UACA: variants seen among roughly 807,000 people sequenced by gnomAD.
UACA encodes uveal autoantigen with coiled-coil domains and ankyrin repeats, also known as nuclear membrane binding protein.
In UACA, 112 loss-of-function variants were observed where a neutral mutation model predicts 160.5. The observed-to-expected ratio is 0.70, with a 90% CI of 0.60 to 0.82. UACA has a LOEUF of 0.82. Ranked by LOEUF, UACA falls within the 40% of genes least tolerant of loss-of-function variation. The pLI, the probability that UACA is intolerant of heterozygous loss-of-function variation, is 0.00. For missense variants in UACA, 1,574 were observed against 1,614.6 expected (o/e 0.97, Z 0.43); for synonymous variants, 557 against 568.4 (o/e 0.98, Z 0.29).
At chr15:70,775,360 G>C in the UACA span, among the ~76,000 whole-genome samples, 1 of 152,152 alleles carries the variant, frequency 6.6e-6, no homozygotes, top group Non-Finnish European at 1.5e-5. Flanking sequence ...GTCAGTTCCA[G>C]CACTCCACTG....
At chr15:70,720,036 G>A (rs1322293811) in intron 1 of UACA, among the ~76,000 whole-genome samples, 1 of 152,166 alleles carries the variant, frequency 6.6e-6, no homozygotes, top group Non-Finnish European at 1.5e-5. Flanking sequence ...CTGGTGAGAG[G>A]TGACTGGATC....
chr15:70,672,163 C>T (rs1360420208), intron 13 of UACA, among the ~76,000 whole-genome samples, 162 bp from the exon 14 acceptor site: 1 of 152,118 alleles, frequency 6.6e-6, no homozygotes, highest in African/African-American at 2.4e-5. Flanking sequence ...AGAAACAACA[C>T]TAGCAACACT....
chr15:70,713,150 C>T (rs565925899), intron 1 of UACA, among the ~76,000 whole-genome samples: 3 of 152,142 alleles, frequency 2.0e-5, no homozygotes, highest in African/African-American at 7.2e-5. Context: ...TGAGACCATC[C>T]TGGCTAACAC....
chr15:70,666,617 A>G (rs1251311454), intron 16 of UACA, 107 bp downstream of exon 16: 1 of 892,920 alleles, frequency 1.1e-6, no homozygotes, highest in Middle Eastern at 3.0e-4. Flanking sequence ...TAAACTGGAA[A>G]GGGTCACTTT....
At chr15:70,718,323 A>AGTGTGTGTGTGTGTGT (rs1491099807) in intron 1 of UACA, among the ~76,000 whole-genome samples, 2 of 15,606 alleles carry the variant, frequency 1.3e-4, no homozygotes, top group African/African-American at 3.3e-4. Flanking sequence ...AGAGAGAGAG[A>AGTGTGTGTGTGTGTGT]ATGTGTGTGT....
At chr15:70,662,130 ATCT>A (rs1480847396) in intron 17 of UACA, among the ~76,000 whole-genome samples, 2 of 152,188 alleles carry the variant, frequency 1.3e-5, no homozygotes, top group Non-Finnish European at 1.5e-5. Flanking sequence ...TCAGCCCAAA[ATCT>A]TCTTAAGCTG....
At chr15:70,664,874 T>C in intron 16 of UACA, 60 bp from the exon 17 acceptor site, 1 of 1,456,120 alleles carries the variant, frequency 6.9e-7, no homozygotes, top group Non-Finnish European at 9.3e-7. Flanking sequence ...ATGAACATCT[T>C]TGTACAGAAA....
At chr15:70,712,475 G>A (rs531802629) in intron 1 of UACA, among the ~76,000 whole-genome samples, 21 of 152,130 alleles carry the variant, frequency 1.4e-4, no homozygotes, top group African/African-American at 4.6e-4. Context: ...TTCTAAAAAG[G>A]AAACCTAATC....
rs1896990418 is a variant in UACA, at chr15:70,667,978, A to C, written c.2706T>G (p.Asp902Glu). Residue 902 changes from aspartate (D) to glutamate (E), a missense_variant, in exon 16 of 19, where the codon GAT (aspartate) becomes GAG (glutamate). Coordinates refer to ENST00000322954, the MANE Select transcript of UACA (RefSeq NM_018003.4). ...GGTTTCTTTTTAATATTTCATTCTT[A>C]TCTTTTATTTTTACAAATTCCTGAT... Reference protein sequence around the residue: ...DINQEFVKIKDKNEILKRNLE... With the variant: ...DINQEFVKIKEKNEILKRNLE... 1 of 1,600,632 alleles carries C rather than the reference A, an allele frequency of 6.2e-7. No individual in the cohort carries two copies. Among genetic ancestry groups the C allele is most frequent in the Non-Finnish European group, 8.5e-7 (1 of 1,174,504 alleles).
At chr15:70,719,052 T>A (rs907418059) in intron 1 of UACA, among the ~76,000 whole-genome samples, 3 of 137,340 alleles carry the variant, frequency 2.2e-5, no homozygotes, top group East Asian at 2.1e-4. Context: ...GAAGGAAGGG[T>A]AGAAAGAAGG....
At chr15:70,704,733 G>A (rs560434925) in intron 1 of UACA, among the ~76,000 whole-genome samples, 7 of 152,274 alleles carry the variant, frequency 4.6e-5, no homozygotes, top group South Asian at 2.1e-4. Flanking sequence ...AGGCACTGGC[G>A]AGAGTCACAG....
chr15:70,689,663 T>G (rs535595136), intron 5 of UACA, among the ~76,000 whole-genome samples: 2 of 152,098 alleles, frequency 1.3e-5, no homozygotes, highest in Admixed American at 1.3e-4. Flanking sequence ...AAAGAGAAAG[T>G]AGACTGTTTT....
At chr15:70,754,027 A>C (rs1384252359) in intron 1 of UACA, 1 of 431,702 alleles carries the variant, frequency 2.3e-6, no homozygotes, top group East Asian at 7.4e-5. Flanking sequence ...GCTGGTTTCG[A>C]ACTCCTGACC....
At chr15:70,763,290 C>CCGGAG (rs2030889008) in intron 1 of UACA, 40 bp downstream of exon 1, 1 of 1,317,584 alleles carries the variant, frequency 7.6e-7, no homozygotes, top group African/African-American at 1.5e-5. Context: ...TGCGCTGCTC[C>CCGGAG]CGGAGCGGAG....
Position 70,669,373 on chromosome 15 carries a change from A to G in UACA, c.1311T>C (p.Ser437=). 6.2e-7 allele frequency: 1 copy of G among 1,614,050 alleles called. No homozygotes were observed. The highest frequency in any genetic ancestry group is 1.1e-5 in the South Asian group (1 of 91,086). The change falls in exon 16 of 19, where the codon TCT becomes TCC. Residue 437 remains serine (S), a synonymous_variant. Coordinates refer to ENST00000322954, the MANE Select transcript of UACA (RefSeq NM_018003.4). The part of the protein sequence containing the change: ...ELSLPSQTSY[S]ENEILKKELE... ...ACTCTTTCTTTAAAATTTCATTTTC[A>G]GAGTATGACGTTTGACTGGGTAAAG...
At chr15:70,711,022 T>G (rs897935608) in intron 1 of UACA, among the ~76,000 whole-genome samples, 2 of 152,162 alleles carry the variant, frequency 1.3e-5, no homozygotes, top group African/African-American at 4.8e-5. Flanking sequence ...CCAGTCCCCA[T>G]CCTGAAACTA....
At chr15:70,694,859 A>G (rs1385126080) in intron 3 of UACA, among the ~76,000 whole-genome samples, 158 bp downstream of exon 3, 2 of 152,134 alleles carry the variant, frequency 1.3e-5, no homozygotes, top group African/African-American at 4.8e-5. Context: ...GACCTCTCCC[A>G]CAATACCTCA....
the UACA span, among the ~76,000 whole-genome samples, chr15:70,773,850 T>C: frequency 6.6e-6 from 1 of 152,232 alleles, no homozygotes; most frequent in African/African-American, 2.4e-5. Flanking sequence ...AAATACCCAA[T>C]GTGATTTTGA....
Position 70,660,248 on chromosome 15 carries a change from T to A in UACA, c.4114-32A>T, listed in dbSNP as rs375116011. 9 of 1,585,806 alleles carry A rather than the reference T, an allele frequency of 5.7e-6. No individual in the cohort carries two copies. In the African/African-American group the frequency reaches 1.1e-4, roughly 19 times the overall value. ...ATGTGGAAAGATGGACAGATGTGAC[T>A]ATCAGCGTTCACATTTCCAAACTTT... On this transcript the variant is annotated intron_variant, in intron 17 of 18. Coordinates refer to ENST00000322954, the MANE Select transcript of UACA (RefSeq NM_018003.4).
Sources: gnomAD v4.1 joint callset for allele counts (sites outside exome capture counted in the v4.1 genomes callset) on GRCh38, gnomAD v4.1.1 for gene constraint, MANE v1.5 for transcripts, NCBI Gene and HGNC (gene_info 2026-07-23, HGNC 2026-07-21) for gene names.